The following PYHIN1 variants were observed in gnomAD, a reference collection of about 807,000 sequenced individuals.
The protein encoded by PYHIN1 is pyrin and HIN domain family member 1, also known as pyrin and HIN domain-containing protein 1.
In PYHIN1, 32 loss-of-function variants were observed where a neutral mutation model predicts 43.7. The ratio of observed to expected loss-of-function variants is 0.73; its 90% CI spans 0.55 to 0.98. PYHIN1 has a LOEUF of 0.98. PYHIN1 is among the 50% of genes least tolerant of loss of function. The pLI, the probability that PYHIN1 is intolerant of heterozygous loss-of-function variation, is 0.00. For missense variants in PYHIN1, 588 were observed against 589.5 expected, an observed-to-expected ratio of 1.00 and a Z score of 0.03; for synonymous variants, 205 against 203.1, an observed-to-expected ratio of 1.01 and a Z score of -0.08.
In PYHIN1 at chr1:158,933,467, G is replaced by A. The variant is rs945802831; in HGVS notation, c.-21+1691G>A. ...ATCTTTTAAAAATGATTCTAGCATA[G>A]ATAAGCTGGCTTTCTTCTAGTTTCT... On this transcript the variant is annotated intron_variant, in intron 1 of 8. Coordinates refer to ENST00000368140, the MANE Select transcript of PYHIN1 (RefSeq NM_152501.5). This position sits in a 1 kb window ranked among gnomAD's most constrained non-coding sequence, Gnocchi z 6.3. Among the ~76,000 whole-genome samples, 51 of 151,760 alleles carry A rather than the reference G, an allele frequency of 3.4e-4. No homozygotes were observed. Among genetic ancestry groups the A allele is most frequent in the African/African-American group, 1.2e-3 (50 of 41,352 alleles).
chr1:158,932,672 C>G (rs1304633129), intron 1 of PYHIN1, among the ~76,000 whole-genome samples: 1 of 152,122 alleles, frequency 6.6e-6, no homozygotes, highest in Non-Finnish European at 1.5e-5. Context: ...TTTGCAAACA[C>G]AATTATTCAA....
chr1:158,949,652 G>A (rs185302060), intron 7 of PYHIN1, among the ~76,000 whole-genome samples: 50 of 150,996 alleles, frequency 3.3e-4, no homozygotes, highest in Middle Eastern at 3.4e-3. Context: ...TTGTTCTTGC[G>A]ATAGTTTACT....
intron 1 of PYHIN1, among the ~76,000 whole-genome samples, chr1:158,934,113 A>C (rs1648351148): frequency 6.6e-6 from 1 of 152,186 alleles, no homozygotes; most frequent in Non-Finnish European, 1.5e-5. Flanking sequence ...GGGGCTCGGT[A>C]TGTTTTGAAA....
chr1:158,972,531 A>G (rs1006382343), intron 7 of PYHIN1, among the ~76,000 whole-genome samples: 5 of 152,018 alleles, frequency 3.3e-5, no homozygotes, highest in African/African-American at 1.2e-4. Flanking sequence ...GAAAGAGTGG[A>G]GGAGAGTACA....
intron 8 of PYHIN1, among the ~76,000 whole-genome samples, chr1:158,975,746 T>C (rs1304410188): frequency 1.3e-5 from 2 of 152,094 alleles, no homozygotes; most frequent in East Asian, 1.9e-4. Flanking sequence ...CCATCTGATA[T>C]ATAGAGCTTA....
At chr1:158,957,066 C>A (rs1649984370) in intron 7 of PYHIN1, among the ~76,000 whole-genome samples, 1 of 147,854 alleles carries the variant, frequency 6.8e-6, no homozygotes, top group Non-Finnish European at 1.5e-5. Flanking sequence ...AGGACCTCTT[C>A]AAGGAGACCT....
At chr1:158,971,665 T>C (rs1017081491) in intron 7 of PYHIN1, among the ~76,000 whole-genome samples, 1 of 152,032 alleles carries the variant, frequency 6.6e-6, no homozygotes, top group East Asian at 1.9e-4. Context: ...GAATCCTTTG[T>C]GTATTTGCTT....
At chr1:158,966,856 G>A (rs1236139201) in intron 7 of PYHIN1, among the ~76,000 whole-genome samples, 3 of 151,928 alleles carry the variant, frequency 2.0e-5, no homozygotes, top group Non-Finnish European at 4.4e-5. Flanking sequence ...TAGAAATCCC[G>A]GCCAGAGGAA....
the PYHIN1 span, among the ~76,000 whole-genome samples, chr1:158,982,976 T>C: frequency 6.6e-6 from 1 of 152,196 alleles, no homozygotes; most frequent in South Asian, 2.1e-4. Flanking sequence ...CTACTAATTT[T>C]TGTACATTGA....
intron 7 of PYHIN1, among the ~76,000 whole-genome samples, chr1:158,948,759 C>T (rs1037604595): frequency 3.3e-5 from 5 of 152,054 alleles, no homozygotes; most frequent in African/African-American, 7.3e-5. Flanking sequence ...GGACAGGGGA[C>T]GTTCTAAGGT....
At chr1:158,954,697 C>T (rs1357181588) in intron 7 of PYHIN1, among the ~76,000 whole-genome samples, 17 of 148,188 alleles carry the variant, frequency 1.1e-4, no homozygotes, top group Admixed American at 3.4e-4. Context: ...CATCAACTAA[C>T]GAGCAAAATC....
At chr1:158,939,460 G>C in intron 4 of PYHIN1, 1 of 1,551,560 alleles carries the variant, frequency 6.4e-7, no homozygotes, top group Non-Finnish European at 8.7e-7. Context: ...GTCCTGTGCT[G>C]TTTGGGGAAG....
In PYHIN1 at chr1:158,938,422, A is replaced by G. The variant is rs748746522; in HGVS notation, c.291A>G (p.Pro97=). The change falls in exon 3 of 9, where the codon CCA becomes CCG. Residue 97 remains proline (P), a synonymous_variant. Transcript: ENST00000368140. ...LKVANKIESI[P]VKGIIPSKKT... is the part of the protein sequence containing the mutation. Reference sequence around the variant, plus strand: ...TTGCAAATAAAATTGAATCCATTCCAGTCAAAGGAATAATCCCATCTAAAA... The same window carrying G: ...TTGCAAATAAAATTGAATCCATTCCGGTCAAAGGAATAATCCCATCTAAAA... The G allele has an allele frequency of 1.2e-6, 2 of 1,614,200 alleles. No individual in the cohort carries two copies. Among genetic ancestry groups the G allele is most frequent in the Admixed American group, 3.3e-5 (2 of 60,030 alleles).
intron 7 of PYHIN1, among the ~76,000 whole-genome samples, chr1:158,958,738 C>G (rs1312454609): frequency 7.3e-6 from 1 of 136,914 alleles, no homozygotes; most frequent in East Asian, 2.1e-4. Flanking sequence ...GCCATGTACC[C>G]TAAAACATAA....
rs1166895044 is a variant in PYHIN1 at position 158,975,234 on chromosome 1, AC to A, written c.*5+1464del. Among the ~76,000 whole-genome samples, 3 of 21,404 alleles carry A rather than the reference AC, an allele frequency of 1.4e-4. No individual in the cohort carries two copies. In the East Asian group the frequency reaches 0.12, roughly 892 times the overall value. 14.0% of individuals were successfully genotyped at this position (21,404 alleles called of 152,430 possible). A position where few individuals can be genotyped will look rare whatever the true frequency, so the allele number is the denominator to read the frequency against. Reference sequence around the variant, plus strand: ...GTATATCATAGATCATCCCAATAATACTGTGTTTGTATTAATTATTAATTTG... The same window carrying A: ...GTATATCATAGATCATCCCAATAATATGTGTTTGTATTAATTATTAATTTG... On this transcript the variant is annotated intron_variant, in intron 8 of 8. Transcript: ENST00000368140.
chr1:158,966,011 C>A (rs1650611624), intron 7 of PYHIN1, among the ~76,000 whole-genome samples: 1 of 151,694 alleles, frequency 6.6e-6, no homozygotes, highest in Non-Finnish European at 1.5e-5. Flanking sequence ...GAGACAAGAT[C>A]TAAATAAACA....
intron 7 of PYHIN1, among the ~76,000 whole-genome samples, chr1:158,970,765 G>T (rs747408165): frequency 6.6e-6 from 1 of 151,822 alleles, no homozygotes; most frequent in Non-Finnish European, 1.5e-5. Flanking sequence ...AAATAATAAT[G>T]ATATTTCTTC....
intron 7 of PYHIN1, among the ~76,000 whole-genome samples, chr1:158,957,838 A>G (rs1650045082): frequency 6.7e-6 from 1 of 148,988 alleles, no homozygotes; most frequent in South Asian, 2.2e-4. Context: ...ATGGGAGAAA[A>G]TTTTCACAAC....
downstream of PYHIN1, among the ~76,000 whole-genome samples, chr1:158,980,669 C>T (rs148994963): frequency 2.1e-3 from 321 of 152,052 alleles, 4 homozygotes; most frequent in African/African-American, 7.2e-3. Context: ...GTGGTCAGAC[C>T]GGTTCTCTGC....
Sources: allele counts gnomAD v4.1 joint callset (sites outside exome capture counted in the v4.1 genomes callset), GRCh38; gene constraint gnomAD v4.1.1; non-coding constraint Gnocchi (gnomAD v3.1); transcripts MANE v1.5; gene names NCBI Gene and HGNC (gene_info 2026-07-23, HGNC 2026-07-21).